TMEM192: variants seen among roughly 807,000 people sequenced by gnomAD.
TMEM192 encodes transmembrane protein 192.
In TMEM192, 20 loss-of-function variants were observed where a neutral mutation model predicts 26.7. The ratio of observed to expected loss-of-function variants is 0.75; its 90% CI spans 0.53 to 1.09. The LOEUF is 1.09. TMEM192 is among the 50% of genes least tolerant of loss of function. TMEM192 has a pLI of 0.00. For missense variants in TMEM192, 304 were observed against 322.6 expected (o/e 0.94, Z 0.44); for synonymous variants, 124 against 121.0 (o/e 1.02, Z -0.16).
intron 3 of TMEM192, among the ~76,000 whole-genome samples, chr4:165,100,174 T>TA (rs1735005600): frequency 6.6e-6 from 1 of 151,214 alleles, no homozygotes; most frequent in Non-Finnish European, 1.5e-5. Context: ...TTTTTTTTTT[T>TA]TTTTGAGATG....
Position 165,112,770 on chromosome 4 carries a change from C to T in TMEM192, c.4G>A (p.Ala2Thr), listed in dbSNP as rs371424376. The change falls in exon 1 of 6, where the codon GCG becomes ACG. Residue 2 changes from alanine to threonine, a missense_variant. Transcript: ENST00000306480. MAAGGRMEDGSL... is the reference protein window; with the variant it reads MTAGGRMEDGSL... ...ACGTCCTCCATCCTGCCCCCCGCCG[C>T]CATTTCCCGACGCCGGAGGCCGAAG... is the stretch of plus-strand genomic sequence containing the variant. 5.0e-6 allele frequency: 8 copies of T among 1,608,066 alleles called. No individual in the cohort carries two copies. The highest frequency in any genetic ancestry group is 5.9e-6 in the Non-Finnish European group (7 of 1,179,020).
Position 165,073,629 on chromosome 4 carries a change from G to C in TMEM192, c.*6029C>G, listed in dbSNP as rs1216161018. 6.6e-6 allele frequency: 1 copy of C among 151,954 alleles called. No homozygotes were observed. The highest frequency in any genetic ancestry group is 1.9e-4 in the East Asian group (1 of 5,166). 9.4% of individuals were successfully genotyped at this position (151,954 alleles called of 1,614,324 possible). On this transcript the variant is annotated 3_prime_UTR_variant, in exon 6 of 6. Coordinates refer to ENST00000306480, the MANE Select transcript of TMEM192 (RefSeq NM_001100389.2). ...GATAAGAGGAAGGCTTCTGTCTCCTGCTCGTCCCTGGGAATGGAATGTCTC... is the reference window on the plus strand; with the variant it reads ...GATAAGAGGAAGGCTTCTGTCTCCTCCTCGTCCCTGGGAATGGAATGTCTC...
intron 1 of TMEM192, among the ~76,000 whole-genome samples, 194 bp from the exon 2 acceptor site, chr4:165,103,290 T>G (rs1007724538): frequency 6.6e-6 from 1 of 152,012 alleles, no homozygotes; most frequent in East Asian, 1.9e-4. Flanking sequence ...ATTAATTTTT[T>G]AAAAACTGTA....
intron 1 of TMEM192, among the ~76,000 whole-genome samples, chr4:165,108,945 C>T (rs954854405): frequency 1.3e-5 from 2 of 152,204 alleles, no homozygotes; most frequent in East Asian, 1.9e-4. Context: ...GGCAGTAAGC[C>T]GGAGCAGTGA....
In TMEM192 at chr4:165,112,840, C is replaced by A; in HGVS notation, c.-67G>T. ...TCCACCTGGACCTGTAAGCCTCTGG[C>A]CGCGAAACTCGCCACCTTCTGGGAC... is the stretch of plus-strand genomic sequence containing the variant. On this transcript the variant is annotated 5_prime_UTR_variant, in exon 1 of 6. Coordinates refer to ENST00000306480, the MANE Select transcript of TMEM192 (RefSeq NM_001100389.2). 1 of 1,569,988 alleles carries A rather than the reference C, an allele frequency of 6.4e-7. No individual in the cohort carries two copies. The highest frequency in any genetic ancestry group is 8.6e-7 in the Non-Finnish European group (1 of 1,163,480).
rs543901107 is a variant in TMEM192 at position 165,071,228 on chromosome 4, G to T, written c.*8430C>A. 1 of 151,946 alleles carries T rather than the reference G, an allele frequency of 6.6e-6. No individual in the cohort carries two copies. Among genetic ancestry groups the T allele is most frequent in the Admixed American group, 6.6e-5 (1 of 15,244 alleles). 9.4% of individuals were successfully genotyped at this position (151,946 alleles called of 1,614,324 possible). On this transcript the variant is annotated 3_prime_UTR_variant, in exon 6 of 6. Coordinates refer to ENST00000306480, the MANE Select transcript of TMEM192 (RefSeq NM_001100389.2). ...AGCAATATACTATAATAAAAGTTAC[G>T]TGTGGTGGTGTGGTGCACATCTATA... is the stretch of plus-strand genomic sequence containing the variant.
chr4:165,111,777 G>T (rs967323730), intron 1 of TMEM192: 2 of 152,152 alleles, frequency 1.3e-5, no homozygotes, highest in Non-Finnish European at 2.9e-5. Context: ...CTAAGCTACC[G>T]TAATGCTGGA....
intron 3 of TMEM192, among the ~76,000 whole-genome samples, chr4:165,090,910 C>CAAAAAAAAAAAAAAA (rs70952700): frequency 5.9e-5 from 3 of 51,022 alleles, no homozygotes; most frequent in African/African-American, 7.8e-5. Flanking sequence ...GACTCTGTCT[C>CAAAAAAAAAAAAAAA]AAAAAAAAAA....
At chr4:165,081,244 T>TA (rs1734513195) in intron 5 of TMEM192, among the ~76,000 whole-genome samples, 1 of 151,574 alleles carries the variant, frequency 6.6e-6, no homozygotes, top group Non-Finnish European at 1.5e-5. Context: ...TCTTTTTTTT[T>TA]TTTTCTGAGC....
intron 3 of TMEM192, among the ~76,000 whole-genome samples, chr4:165,095,595 T>C (rs902017967): frequency 2.6e-5 from 4 of 152,186 alleles, no homozygotes; most frequent in Non-Finnish European, 5.9e-5. Flanking sequence ...AGCAGTTTCC[T>C]TGAACTGCAC....
chr4:165,098,869 C>T (rs1321840268), intron 3 of TMEM192, among the ~76,000 whole-genome samples: 1 of 149,510 alleles, frequency 6.7e-6, no homozygotes, highest in African/African-American at 2.5e-5. Flanking sequence ...GGCTAATTTT[C>T]GTTTGTATTT....
chr4:165,085,066 G>A (rs1578900135), intron 5 of TMEM192, among the ~76,000 whole-genome samples: 1 of 152,260 alleles, frequency 6.6e-6, no homozygotes, highest in East Asian at 1.9e-4. Flanking sequence ...CCTGAGGTCA[G>A]GAGTTCAAGA....
chr4:165,098,416 C>T (rs1027448935), intron 3 of TMEM192, among the ~76,000 whole-genome samples: 6 of 151,792 alleles, frequency 4.0e-5, no homozygotes, highest in East Asian at 2.0e-4. Flanking sequence ...TGAGCCACCA[C>T]GCCCAGGAAT....
chr4:165,087,177 G>A (rs1734640511), intron 4 of TMEM192, among the ~76,000 whole-genome samples: 1 of 151,784 alleles, frequency 6.6e-6, no homozygotes, highest in Admixed American at 6.6e-5. Flanking sequence ...TTTTCCTTCA[G>A]CTATTAGAAA....
chr4:165,086,551 G>GA (rs1734620649), intron 4 of TMEM192, among the ~76,000 whole-genome samples: 1 of 150,816 alleles, frequency 6.6e-6, no homozygotes, highest in Admixed American at 6.7e-5. Context: ...TCAGCCTCCC[G>GA]ACTGGGATTA....
chr4:165,094,223 G>T (rs1044661677), intron 3 of TMEM192, among the ~76,000 whole-genome samples: 4 of 151,964 alleles, frequency 2.6e-5, no homozygotes, highest in Non-Finnish European at 4.4e-5. Context: ...TTTTAATAGA[G>T]ACAGGTTTTC....
rs1734260870 is a variant in TMEM192, at chr4:165,070,861, G to A, written c.*8797C>T. Reference sequence around the variant, plus strand: ...ATTAATTCATCAACGTATATTGAGTGCCTACTTTGTGCCAGACACTGTTCT... The same window carrying A: ...ATTAATTCATCAACGTATATTGAGTACCTACTTTGTGCCAGACACTGTTCT... On this transcript the variant is annotated 3_prime_UTR_variant, in exon 6 of 6. Transcript: ENST00000306480. 1 of 152,198 alleles carries A rather than the reference G, an allele frequency of 6.6e-6. No individual in the cohort carries two copies. The highest frequency in any genetic ancestry group is 1.5e-5 in the Non-Finnish European group (1 of 68,040). The allele number at this position is 152,198 out of a possible 1,614,324, so 9.4% of individuals were successfully genotyped here.
At chr4:165,081,256 G>C (rs1301774434) in intron 5 of TMEM192, among the ~76,000 whole-genome samples, 1 of 146,154 alleles carries the variant, frequency 6.8e-6, no homozygotes, top group Non-Finnish European at 1.5e-5. Context: ...TTTCTGAGCT[G>C]GGCTATTCAC....
Position 165,092,889 on chromosome 4 carries a change from C to A in TMEM192, c.440-4287G>T, listed in dbSNP as rs189202100. On this transcript the variant is annotated intron_variant, in intron 3 of 5. Transcript: ENST00000306480. ...TCCAGCCTAGGCAACAGAGCGAGAC[C>A]TTGTCTCTTAAAAAAAAAATAATAA... 7.9e-5 allele frequency among the ~76,000 whole-genome samples: 12 copies of A among 151,430 alleles called. No homozygotes were observed. In the East Asian group the frequency reaches 2.1e-3, roughly 27 times the overall value.
Sources: allele counts gnomAD v4.1 joint callset (sites outside exome capture counted in the v4.1 genomes callset), GRCh38; gene constraint gnomAD v4.1.1; transcripts MANE v1.5; gene names NCBI Gene and HGNC (gene_info 2026-07-23, HGNC 2026-07-21).